Variants in TRIM33 observed in about 807,000 individuals in gnomAD.
The protein encoded by TRIM33 is tripartite motif containing 33, also known as E3 ubiquitin-protein ligase TRIM33.
Under a neutral mutation model 125.4 loss-of-function variants are expected in TRIM33, and 20 were observed. The ratio of observed to expected loss-of-function variants is 0.16; its 90% CI spans 0.11 to 0.23. The LOEUF is 0.23. Ranked by LOEUF, TRIM33 falls within the 10% of genes least tolerant of loss-of-function variation. The probability of loss-of-function intolerance (pLI) is 1.00; values close to 1 mark genes in which losing one functional copy is unlikely to be tolerated. For missense variants in TRIM33, 920 were observed against 1,411.4 expected, an observed-to-expected ratio of 0.65 and a Z score of 5.58; for synonymous variants, 564 against 513.9, an observed-to-expected ratio of 1.10 and a Z score of -1.32.
intron 4 of TRIM33, among the ~76,000 whole-genome samples, chr1:114,450,083 T>G (rs1252276960): frequency 6.6e-6 from 1 of 152,198 alleles, no homozygotes; most frequent in Non-Finnish European, 1.5e-5. Flanking sequence ...CATTGATTTA[T>G]ACTTTAGCTA....
intron 1 of TRIM33, among the ~76,000 whole-genome samples, chr1:114,496,498 G>A (rs1415943488): frequency 6.6e-6 from 1 of 152,178 alleles, no homozygotes; most frequent in African/African-American, 2.4e-5. Flanking sequence ...CCCATCAAAT[G>A]AAAACATGGG....
chr1:114,420,714 T>C (rs564897337), intron 11 of TRIM33, among the ~76,000 whole-genome samples: 1 of 152,336 alleles, frequency 6.6e-6, no homozygotes, highest in Non-Finnish European at 1.5e-5. Context: ...CTGATCTATG[T>C]TATAGAAAGA....
chr1:114,505,038 G>A (rs1303554775), intron 1 of TRIM33, among the ~76,000 whole-genome samples: 3 of 152,124 alleles, frequency 2.0e-5, no homozygotes, highest in Non-Finnish European at 4.4e-5. Flanking sequence ...AATGTACCTT[G>A]CAACACATTA....
chr1:114,407,178 G>A (rs1652299570), intron 13 of TRIM33, 78 bp from the exon 14 acceptor site: 1 of 1,225,206 alleles, frequency 8.2e-7, no homozygotes, highest in Non-Finnish European at 1.1e-6. Flanking sequence ...GAAAAGTAAT[G>A]TTCACTAAAG....
chr1:114,411,643 T>G (rs1487760764), intron 11 of TRIM33, among the ~76,000 whole-genome samples: 6 of 152,222 alleles, frequency 3.9e-5, no homozygotes, highest in Non-Finnish European at 5.9e-5. Context: ...CTCCTTTTTA[T>G]ACTCCTCACC....
In TRIM33 at chr1:114,433,838, T is replaced by C; in HGVS notation, c.924-105A>G. 5 of 700,830 alleles carry C rather than the reference T, an allele frequency of 7.1e-6. No individual in the cohort carries two copies. In the South Asian group the frequency reaches 9.2e-5, roughly 13 times the overall value. The allele number at this position is 700,830 out of a possible 1,614,324, so 43.4% of individuals were successfully genotyped here. Reference sequence around the variant, plus strand: ...CAATCTTGAAACCTTAATTAAGTGATCAACTCTATGCTGGCCACTCATACC... The same window carrying C: ...CAATCTTGAAACCTTAATTAAGTGACCAACTCTATGCTGGCCACTCATACC... On this transcript the variant is annotated intron_variant, in intron 4 of 19. Transcript: ENST00000358465.
At chr1:114,400,740 T>G (rs1651820877) in intron 17 of TRIM33, among the ~76,000 whole-genome samples, 1 of 152,204 alleles carries the variant, frequency 6.6e-6, no homozygotes, top group African/African-American at 2.4e-5. Context: ...TAATGTACTA[T>G]TCAACAACTG....
At chr1:114,434,389 A>C (rs1648152187) in intron 4 of TRIM33, among the ~76,000 whole-genome samples, 2 of 152,230 alleles carry the variant, frequency 1.3e-5, no homozygotes, top group Non-Finnish European at 2.9e-5. Flanking sequence ...TTGTCTTTAT[A>C]ATTACACTTA....
chr1:114,470,470 A>C (rs189554453), intron 1 of TRIM33, among the ~76,000 whole-genome samples: 4 of 152,258 alleles, frequency 2.6e-5, no homozygotes, highest in Admixed American at 6.5e-5. Flanking sequence ...TAATCAATAA[A>C]TGTATTCTGA....
chr1:114,397,589 G>GTTTTTTTTTTTTTTTTTGGTTTTTTTTTT lies in TRIM33; in HGVS notation c.*58_*59insAAAAAAAAAACCAAAAAAAAAAAAAAAAA. ...CTTAAAAGTTTTCTGGGTTTTTTGT[G>GTTTTTTTTTTTTTTTTTGGTTTTTTTTTT]TTTTTTTTTTTTTTTTCGTTTTTTT... On this transcript the variant is annotated 3_prime_UTR_variant, in exon 20 of 20. Transcript: ENST00000358465. 3 of 637,678 alleles carry GTTTTTTTTTTTTTTTTTGGTTTTTTTTTT rather than the reference G, an allele frequency of 4.7e-6. No individual in the cohort carries two copies. Among genetic ancestry groups the GTTTTTTTTTTTTTTTTTGGTTTTTTTTTT allele is most frequent in the East Asian group, 3.9e-5 (1 of 25,786 alleles). The allele number at this position is 637,678 out of a possible 1,614,324, so 39.5% of individuals were successfully genotyped here. A position where few individuals can be genotyped will look rare whatever the true frequency, so the allele number is the denominator to read the frequency against.
At chr1:114,411,016 T>C (rs1652548326) in intron 11 of TRIM33, among the ~76,000 whole-genome samples, 1 of 152,154 alleles carries the variant, frequency 6.6e-6, no homozygotes, top group African/African-American at 2.4e-5. Flanking sequence ...TCTTATACTA[T>C]TTCATAAAAG....
intron 1 of TRIM33, among the ~76,000 whole-genome samples, chr1:114,477,969 C>T (rs1010228444): frequency 1.3e-5 from 2 of 152,230 alleles, no homozygotes; most frequent in Non-Finnish European, 2.9e-5. Flanking sequence ...AAAAAATTAA[C>T]AGCTGGACCA....
chr1:114,510,925 C>T lies in TRIM33; in HGVS notation c.152G>A (p.Gly51Asp). Residue 51 changes from glycine (G) to aspartate (D), a missense_variant, in exon 1 of 20, where the codon GGC (glycine) becomes GAC (aspartate). By Grantham distance (94) the Gly-to-Asp change is moderately conservative. Coordinates refer to ENST00000358465, the MANE Select transcript of TRIM33 (RefSeq NM_015906.4). ...VLVEEEEEEG[G>D]RAGAEGGAAG... ...CGCGCCGCCCTCAGCGCCGGCCCTGCCGCCTTCCTCCTCCTCCTCCTCCAC... is the reference window on the plus strand; with the variant it reads ...CGCGCCGCCCTCAGCGCCGGCCCTGTCGCCTTCCTCCTCCTCCTCCTCCAC... 2.8e-6 allele frequency: 4 copies of T among 1,418,898 alleles called. No individual in the cohort carries two copies. Among genetic ancestry groups the T allele is most frequent in the Non-Finnish European group, 3.7e-6 (4 of 1,090,746 alleles). The allele number at this position is 1,418,898 out of a possible 1,614,324, so 87.9% of individuals were successfully genotyped here. A position where few individuals can be genotyped will look rare whatever the true frequency, so the allele number is the denominator to read the frequency against.
intron 1 of TRIM33, among the ~76,000 whole-genome samples, chr1:114,471,256 G>A (rs1326272293): frequency 6.6e-6 from 1 of 152,106 alleles, no homozygotes; most frequent in Non-Finnish European, 1.5e-5. Flanking sequence ...AGACCATCCT[G>A]GCCAATATGG....
chr1:114,401,525 G>GA, intron 16 of TRIM33, 62 bp from the exon 17 acceptor site: 1 of 1,394,810 alleles, frequency 7.2e-7, no homozygotes, highest in Non-Finnish European at 1.0e-6. Context: ...ACATTCTCGA[G>GA]AATGAGAACT....
intron 4 of TRIM33, among the ~76,000 whole-genome samples, chr1:114,434,540 A>C (rs924231042): frequency 2.0e-5 from 3 of 152,242 alleles, no homozygotes; most frequent in African/African-American, 7.2e-5. Context: ...TAATAGTGCA[A>C]ATATAGACTC....
intron 1 of TRIM33, among the ~76,000 whole-genome samples, chr1:114,504,950 C>T (rs184104966): frequency 6.6e-6 from 1 of 152,158 alleles, no homozygotes; most frequent in Non-Finnish European, 1.5e-5. Flanking sequence ...GTCACAAAGA[C>T]AACGGGGGGA....
chr1:114,464,532 T>C, intron 1 of TRIM33, 144 bp from the exon 2 acceptor site: 4 of 476,230 alleles, frequency 8.4e-6, no homozygotes, highest in South Asian at 4.3e-5. Flanking sequence ...CAGCGAGTTA[T>C]TCCATTTGGG....
chr1:114,405,328 G>A (rs1347169906), intron 15 of TRIM33, 82 bp downstream of exon 15: 26 of 1,051,176 alleles, frequency 2.5e-5, no homozygotes, highest in Middle Eastern at 2.1e-4. Flanking sequence ...CTGGTTAGAA[G>A]GCCATCTGCC....
Sources: allele counts gnomAD v4.1 joint callset (sites outside exome capture counted in the v4.1 genomes callset), GRCh38; gene constraint gnomAD v4.1.1; transcripts MANE v1.5; gene names NCBI Gene and HGNC (gene_info 2026-07-23, HGNC 2026-07-21).